SOX5: variants seen among roughly 807,000 people sequenced by gnomAD.
SOX5 encodes the protein transcription factor SOX-5.
A neutral mutation model predicts 92.0 loss-of-function variants in SOX5; 9 were observed. The ratio of observed to expected loss-of-function variants is 0.10; its 90% CI spans 0.06 to 0.17. The LOEUF (loss-of-function observed/expected upper bound fraction) is 0.17. Ranked by LOEUF, SOX5 falls within the 10% of genes least tolerant of loss-of-function variation. SOX5 has a pLI of 1.00. For synonymous variants in SOX5, 344 were observed against 336.3 expected (o/e 1.02, Z -0.25); for missense variants, 642 against 944.5 (o/e 0.68, Z 4.20).
At chr12:23,766,297 G>T (rs2094724111) in intron 3 of SOX5, among the ~76,000 whole-genome samples, 1 of 151,906 alleles carries the variant, frequency 6.6e-6, no homozygotes, top group Non-Finnish European at 1.5e-5. Flanking sequence ...AAACTACATG[G>T]ATAAGAATAG....
At position 23,894,551 on chromosome 12, in the gene SOX5, A is replaced by G. The variant is rs191268315; in HGVS notation, c.270+1242T>C. Among the ~76,000 whole-genome samples, 14 of 152,254 alleles carry G rather than the reference A, an allele frequency of 9.2e-5. No homozygotes were observed. In the East Asian group the frequency reaches 2.7e-3, roughly 29 times the overall value. On this transcript the variant is annotated intron_variant, in intron 2 of 14. Transcript: ENST00000451604. Reference sequence around the variant, plus strand: ...CTAAAACATTATTCTTGGTGGAAAAATCTTGGAATTGTCAAATGCCCAAAG... The same window carrying G: ...CTAAAACATTATTCTTGGTGGAAAAGTCTTGGAATTGTCAAATGCCCAAAG...
chr12:24,283,712 C>G (rs1945491834), intron 2 of SOX5, among the ~76,000 whole-genome samples: 2 of 151,918 alleles, frequency 1.3e-5, no homozygotes, highest in South Asian at 4.1e-4. Flanking sequence ...CTATTTCCTT[C>G]TGTTTTGTTT....
At chr12:24,314,379 G>A (rs1270947937) in intron 2 of SOX5, among the ~76,000 whole-genome samples, 3 of 133,940 alleles carry the variant, frequency 2.2e-5, no homozygotes, top group South Asian at 2.8e-4. Flanking sequence ...GTAGGGGGAG[G>A]GGGGAGGGAT....
chr12:24,183,038 T>C (rs1955668172), intron 4 of SOX5, among the ~76,000 whole-genome samples: 1 of 152,106 alleles, frequency 6.6e-6, no homozygotes, highest in South Asian at 2.1e-4. Context: ...CCTACTGAAA[T>C]AGTGTCACTT....
intron 9 of SOX5, among the ~76,000 whole-genome samples, chr12:23,591,673 C>A (rs144500412): frequency 6.6e-4 from 100 of 152,146 alleles, no homozygotes; most frequent in Admixed American, 1.1e-3. Flanking sequence ...CTTGCCTTGC[C>A]CTGTATTCAT....
chr12:23,983,260 A>G (rs1949761644), intron 4 of SOX5, among the ~76,000 whole-genome samples: 1 of 152,160 alleles, frequency 6.6e-6, no homozygotes, highest in African/African-American at 2.4e-5. Flanking sequence ...AGAGTTTGTA[A>G]GCATCACCTG....
chr12:23,682,870 A>C (rs1484785265), intron 6 of SOX5, among the ~76,000 whole-genome samples: 1 of 151,900 alleles, frequency 6.6e-6, no homozygotes, highest in African/African-American at 2.4e-5. Context: ...ATAAAGAAAA[A>C]GCTACTTAAG....
intron 4 of SOX5, among the ~76,000 whole-genome samples, chr12:24,178,413 G>A (rs1224732500): frequency 6.6e-6 from 1 of 152,146 alleles, no homozygotes; most frequent in African/African-American, 2.4e-5. Flanking sequence ...AAGCACTGCA[G>A]TGAGCTGTTT....
At position 23,782,415 on chromosome 12, in the gene SOX5, G is replaced by A. The variant is rs544754142; in HGVS notation, c.482-26691C>T. On this transcript the variant is annotated intron_variant, in intron 3 of 14. Transcript: ENST00000451604. ...AGATATGCAGAAGCAGAATGACTGT[G>A]GAAACCTTAAGAATTTAACGTAACC... Among the ~76,000 whole-genome samples, 4 of 152,196 alleles carry A rather than the reference G, an allele frequency of 2.6e-5. No homozygotes were observed. In the East Asian group the frequency reaches 7.7e-4, roughly 29 times the overall value.
At chr12:24,206,886 A>G (rs1958075523) in intron 4 of SOX5, among the ~76,000 whole-genome samples, 1 of 152,230 alleles carries the variant, frequency 6.6e-6, no homozygotes, top group Non-Finnish European at 1.5e-5. Context: ...GCCACAAACC[A>G]GTAGTGCTAA....
chr12:24,315,627 TC>T (rs1949625080), intron 2 of SOX5, among the ~76,000 whole-genome samples: 1 of 152,120 alleles, frequency 6.6e-6, no homozygotes, highest in Admixed American at 6.5e-5. Context: ...CTTATGACTC[TC>T]ATTACCAGAA....
chr12:24,282,120 T>C (rs1945281744), intron 2 of SOX5, among the ~76,000 whole-genome samples: 1 of 152,210 alleles, frequency 6.6e-6, no homozygotes, highest in South Asian at 2.1e-4. Context: ...TGTTGTTTCC[T>C]AATGTCACCT....
Position 24,399,071 on chromosome 12 carries a change from G to A in SOX5, c.-250-30432C>T, listed in dbSNP as rs74514655. Among the ~76,000 whole-genome samples the A allele has an allele frequency of 4.6e-5, 7 of 152,206 alleles. No individual in the cohort carries two copies. In the South Asian group the frequency reaches 1.0e-3, roughly 23 times the overall value. ...CCTTTTTTGGACCCCCACCAAAAACGGCCACGGTCTTTCCAATGCCACCCC... is the reference window on the plus strand; with the variant it reads ...CCTTTTTTGGACCCCCACCAAAAACAGCCACGGTCTTTCCAATGCCACCCC... On this transcript the variant is annotated intron_variant, in intron 1 of 4. Coordinates refer to the SOX5 transcript ENST00000446891.
At chr12:24,511,224 C>G (rs1747214468) in intron 1 of SOX5, among the ~76,000 whole-genome samples, 1 of 152,188 alleles carries the variant, frequency 6.6e-6, no homozygotes, top group Admixed American at 6.5e-5. Context: ...TCAATTTTCA[C>G]TTGTAAATAT....
chr12:23,994,954 G>A (rs1482961937), intron 4 of SOX5, among the ~76,000 whole-genome samples: 1 of 152,160 alleles, frequency 6.6e-6, no homozygotes, highest in Non-Finnish European at 1.5e-5. Flanking sequence ...AATTCTGACA[G>A]TATAAAAATA....
chr12:24,556,390 A>G (rs1438726360), intron 1 of SOX5, among the ~76,000 whole-genome samples: 1 of 152,234 alleles, frequency 6.6e-6, no homozygotes, highest in African/African-American at 2.4e-5. Context: ...CAAATCAGGC[A>G]ATGGTATGTT....
At chr12:23,646,205 G>A (rs1180781903) in intron 7 of SOX5, among the ~76,000 whole-genome samples, 1 of 151,990 alleles carries the variant, frequency 6.6e-6, no homozygotes, top group Non-Finnish European at 1.5e-5. Context: ...GACAGGGTCT[G>A]GCTATGTCGC....
chr12:23,784,105 T>C (rs1326819931), intron 3 of SOX5, among the ~76,000 whole-genome samples: 1 of 152,112 alleles, frequency 6.6e-6, no homozygotes, highest in African/African-American at 2.4e-5. Context: ...TGCAATATTA[T>C]GATGACGAGA....
intron 1 of SOX5, among the ~76,000 whole-genome samples, chr12:24,384,355 T>C (rs892521584): frequency 1.3e-5 from 2 of 152,198 alleles, no homozygotes; most frequent in Non-Finnish European, 2.9e-5. Context: ...CCTCCTGTTG[T>C]ATGGCCCGGT....
Sources: allele counts gnomAD v4.1 joint callset (sites outside exome capture counted in the v4.1 genomes callset), GRCh38; gene constraint gnomAD v4.1.1; transcripts MANE v1.5; gene names NCBI Gene and HGNC (gene_info 2026-07-23, HGNC 2026-07-21).